ALPK1: variants seen among roughly 807,000 people sequenced by gnomAD.
The protein encoded by ALPK1 is alpha kinase 1.
ALPK1 carries 110 observed loss-of-function variants against 120.6 expected under a neutral mutation model. The observed-to-expected ratio is 0.91, with a 90% confidence interval of 0.78 to 1.07. The LOEUF (loss-of-function observed/expected upper bound fraction) is 1.07, where lower values mean the gene tolerates loss of function less well. ALPK1 is among the 50% of genes least tolerant of loss of function. The pLI, the probability that ALPK1 is intolerant of heterozygous loss-of-function variation, is 0.00. For missense variants in ALPK1, 1,498 were observed against 1,483.9 expected (o/e 1.01, Z -0.16); for synonymous variants, 582 against 560.3 (o/e 1.04, Z -0.55).
intron 2 of ALPK1, among the ~76,000 whole-genome samples, chr4:112,336,567 T>A (rs1729630689): frequency 6.6e-6 from 1 of 152,204 alleles, no homozygotes; most frequent in Non-Finnish European, 1.5e-5. Context: ...TCATAAAATT[T>A]AACCATTTTA....
At position 112,430,773 on chromosome 4, in the gene ALPK1, T is replaced by C. The variant is rs1734505211; in HGVS notation, c.1226T>C (p.Met409Thr). 1.2e-6 allele frequency: 2 copies of C among 1,614,224 alleles called. No individual in the cohort carries two copies. Among genetic ancestry groups the C allele is most frequent in the South Asian group, 1.1e-5 (1 of 91,084 alleles). ...AGAGAAGCTCTGTCTCAAGAAGTTA[T>C]GTCTGTGATTGCCCAGGTGAAGGAA... Reference protein sequence around the residue: ...QDREALSQEVMSVIAQVKEHL... With the variant: ...QDREALSQEVTSVIAQVKEHL... The change falls in exon 11 of 16, where the codon ATG (methionine) becomes ACG (threonine). Residue 409 changes from methionine (M) to threonine (T), a missense_variant. Coordinates refer to ENST00000650871, the MANE Select transcript of ALPK1 (RefSeq NM_025144.4).
chr4:112,387,358 C>A (rs1417399513), intron 4 of ALPK1, among the ~76,000 whole-genome samples: 1 of 152,170 alleles, frequency 6.6e-6, no homozygotes, highest in East Asian at 1.9e-4. Context: ...TGTGTGATAG[C>A]CCTGAGTTTG....
In ALPK1 at chr4:112,412,325, G is replaced by A. The variant is rs1024404901; in HGVS notation, c.475+300G>A. The A allele has an allele frequency of 1.8e-5, 10 of 559,812 alleles. No homozygotes were observed. The African/African-American group carries it at 1.9e-4, about 10-fold the overall frequency. 34.7% of individuals were successfully genotyped at this position (559,812 alleles called of 1,614,324 possible). A position where few individuals can be genotyped will look rare whatever the true frequency, so the allele number is the denominator to read the frequency against. On this transcript the variant is annotated intron_variant, in intron 5 of 15. Transcript: ENST00000650871. ...TCTGTCCTGCTGCTTTCAAACAGGG[G>A]TATCTGAATTGCTATACTTCTGACC...
intron 5 of ALPK1, among the ~76,000 whole-genome samples, chr4:112,423,427 T>C (rs1734086870): frequency 6.6e-6 from 1 of 152,158 alleles, no homozygotes; most frequent in Non-Finnish European, 1.5e-5. Context: ...AAAGGAATGT[T>C]TGGTTAAAAG....
intron 4 of ALPK1, among the ~76,000 whole-genome samples, chr4:112,398,769 G>A (rs574811471): frequency 6.6e-6 from 1 of 152,242 alleles, no homozygotes; most frequent in African/African-American, 2.4e-5. Flanking sequence ...ACAGTGGCGT[G>A]GACTAAAGTG....
chr4:112,383,994 G>A (rs558403658), intron 4 of ALPK1: 23 of 152,224 alleles, frequency 1.5e-4, no homozygotes, highest in East Asian at 5.8e-4. Context: ...TGCTGCAAGC[G>A]AAAAACAGAA....
At chr4:112,392,563 C>T (rs951447065) in intron 4 of ALPK1, among the ~76,000 whole-genome samples, 3 of 152,146 alleles carry the variant, frequency 2.0e-5, no homozygotes, top group Non-Finnish European at 4.4e-5. Flanking sequence ...TCTCTGTTGC[C>T]CAGGCTGCAG....
At chr4:112,396,909 C>T (rs887743731) in intron 4 of ALPK1, among the ~76,000 whole-genome samples, 13 of 152,168 alleles carry the variant, frequency 8.5e-5, no homozygotes, top group African/African-American at 2.4e-4. Flanking sequence ...TCCCAAGTAA[C>T]TGGAACCACA....
chr4:112,426,150 A>T, intron 7 of ALPK1: 1 of 211,114 alleles, frequency 4.7e-6, no homozygotes, highest in Non-Finnish European at 9.3e-6. Context: ...TATACTTTAG[A>T]ATGCAAAATA....
At chr4:112,377,279 C>T (rs1731708360) in intron 2 of ALPK1, among the ~76,000 whole-genome samples, 1 of 152,200 alleles carries the variant, frequency 6.6e-6, no homozygotes, top group African/African-American at 2.4e-5. Flanking sequence ...TTACCGTGTA[C>T]TAGTGTCTAA....
intron 4 of ALPK1, among the ~76,000 whole-genome samples, chr4:112,402,205 A>G (rs1379191028): frequency 6.6e-6 from 1 of 152,130 alleles, no homozygotes; most frequent in African/African-American, 2.4e-5. Context: ...TGCAGCAATA[A>G]TTTCCCTTTA....
intron 11 of ALPK1, among the ~76,000 whole-genome samples, chr4:112,434,236 TTC>T (rs1356813174): frequency 1.3e-5 from 2 of 152,184 alleles, no homozygotes; most frequent in African/African-American, 4.8e-5. Context: ...TCCTCTTTTC[TTC>T]TCTCAATTTA....
chr4:112,419,566 G>C (rs2148754795), intron 5 of ALPK1, among the ~76,000 whole-genome samples: 1 of 152,176 alleles, frequency 6.6e-6, no homozygotes, highest in South Asian at 2.1e-4. Flanking sequence ...GAGAAAGGGA[G>C]GGAGGACAGT....
At chr4:112,360,599 G>A (rs1730870710) in intron 2 of ALPK1, among the ~76,000 whole-genome samples, 1 of 152,176 alleles carries the variant, frequency 6.6e-6, no homozygotes, top group African/African-American at 2.4e-5. Flanking sequence ...CTTAGATTTT[G>A]CCAATAATCT....
chr4:112,334,661 T>C (rs1729534226), intron 2 of ALPK1, among the ~76,000 whole-genome samples: 1 of 152,158 alleles, frequency 6.6e-6, no homozygotes, highest in Non-Finnish European at 1.5e-5. Flanking sequence ...GTAGGGCATG[T>C]ATATCCCAGG....
chr4:112,421,644 G>A (rs1578559216), intron 5 of ALPK1, among the ~76,000 whole-genome samples: 3 of 152,156 alleles, frequency 2.0e-5, no homozygotes, highest in Admixed American at 2.0e-4. Flanking sequence ...CAAGACCCCA[G>A]TAGATGCCCA....
At chr4:112,357,128 C>T in intron 2 of ALPK1, 1 of 1,304,618 alleles carries the variant, frequency 7.7e-7, no homozygotes, top group Non-Finnish European at 1.1e-6. Context: ...TGCTGTTGAG[C>T]TGCCTGGAGA....
intron 14 of ALPK1, among the ~76,000 whole-genome samples, chr4:112,440,134 A>G (rs1023789488): frequency 6.6e-6 from 1 of 152,206 alleles, no homozygotes; most frequent in Non-Finnish European, 1.5e-5. Context: ...GAGCATCTCT[A>G]TAACAGCTTT....
At chr4:112,422,237 T>C (rs1734031190) in intron 5 of ALPK1, among the ~76,000 whole-genome samples, 1 of 152,232 alleles carries the variant, frequency 6.6e-6, no homozygotes, top group Admixed American at 6.5e-5. Context: ...ATTTTTGGAC[T>C]GTGGTTGACT....
Sources: allele counts gnomAD v4.1 joint callset (sites outside exome capture counted in the v4.1 genomes callset), GRCh38; gene constraint gnomAD v4.1.1; transcripts MANE v1.5; gene names NCBI Gene and HGNC (gene_info 2026-07-23, HGNC 2026-07-21).